ADGRA1: variants seen among roughly 807,000 people sequenced by gnomAD.
ADGRA1 encodes G-protein coupled receptor 123.
A neutral mutation model predicts 21.3 loss-of-function variants in ADGRA1; 12 were observed. The observed-to-expected ratio is 0.56, with a 90% confidence interval of 0.36 to 0.91. The LOEUF is 0.91. ADGRA1 is among the 40% of genes least tolerant of loss of function. ADGRA1 has a pLI of 0.01. For synonymous variants in ADGRA1, 385 were observed against 368.8 expected, an observed-to-expected ratio of 1.04 and a Z score of -0.50; for missense variants, 790 against 805.6, an observed-to-expected ratio of 0.98 and a Z score of 0.23.
chr10:133,121,240 G>C (rs1852247739), intron 5 of ADGRA1, among the ~76,000 whole-genome samples: 1 of 152,216 alleles, frequency 6.6e-6, no homozygotes, highest in African/African-American at 2.4e-5. Flanking sequence ...CACGCTGTTG[G>C]AAAAATGGCG....
chr10:133,124,326 A>C (rs1308203121), intron 5 of ADGRA1, among the ~76,000 whole-genome samples: 3 of 152,080 alleles, frequency 2.0e-5, no homozygotes, highest in African/African-American at 7.2e-5. Context: ...GCCGTGAGTC[A>C]GCTCCCGCTT....
intron 5 of ADGRA1, among the ~76,000 whole-genome samples, chr10:133,115,084 C>G (rs1382408832): frequency 6.6e-6 from 1 of 152,190 alleles, no homozygotes; most frequent in African/African-American, 2.4e-5. Flanking sequence ...GGCTAGGAGC[C>G]TGGGGGGCTT....
At chr10:133,121,562 G>T (rs1304199595) in intron 5 of ADGRA1, among the ~76,000 whole-genome samples, 1 of 147,844 alleles carries the variant, frequency 6.8e-6, no homozygotes, top group Non-Finnish European at 1.5e-5. Flanking sequence ...GAGTGTGCTT[G>T]TTTGTGTGCA....
At chr10:133,091,129 G>A (rs1244705543) in intron 2 of ADGRA1, among the ~76,000 whole-genome samples, 3 of 152,198 alleles carry the variant, frequency 2.0e-5, no homozygotes, top group Admixed American at 1.3e-4. Flanking sequence ...GTGTCACTTC[G>A]CACCCTGTAA....
At position 133,129,183 on chromosome 10, in the gene ADGRA1, G is replaced by C. The variant is rs554931104; in HGVS notation, c.1355G>C (p.Arg452Pro). ...SSLDGSPRSS[R>P]TDSPPSSLDG... ...CTGGATGGCAGCCCCCGCAGCTCGC[G>C]CACAGACAGCCCCCCCAGCTCTCTG... The change falls in exon 7 of 7, where the codon CGC becomes CCC. Residue 452 changes from arginine to proline, a missense_variant. Around this residue, in one of 3 missense-constraint regions of ADGRA1, gnomAD observed 391 missense variants for 351.5 expected, o/e 1.11. Coordinates refer to ENST00000392607, the MANE Select transcript of ADGRA1 (RefSeq NM_001083909.3). 1.3e-6 allele frequency: 2 copies of C among 1,550,608 alleles called. No homozygotes were observed. The highest frequency in any genetic ancestry group is 2.4e-5 in the South Asian group (2 of 84,100).
At chr10:133,093,594 C>T (rs1369384940) in intron 2 of ADGRA1, among the ~76,000 whole-genome samples, 7 of 152,326 alleles carry the variant, frequency 4.6e-5, no homozygotes, top group Admixed American at 6.5e-5. Flanking sequence ...GGCCATCCTG[C>T]GGGCACAGAA....
intron 3 of ADGRA1, among the ~76,000 whole-genome samples, chr10:133,098,063 C>T (rs1851719224): frequency 1.3e-5 from 2 of 152,276 alleles, no homozygotes; most frequent in Admixed American, 1.3e-4. Flanking sequence ...GAGGATGAGG[C>T]GAGGCCATGG....
At chr10:133,116,857 G>A (rs1414043533) in intron 5 of ADGRA1, among the ~76,000 whole-genome samples, 1 of 152,156 alleles carries the variant, frequency 6.6e-6, no homozygotes, top group African/African-American at 2.4e-5. Flanking sequence ...GACTCCTCCA[G>A]GAACCCAAGC....
intron 4 of ADGRA1, among the ~76,000 whole-genome samples, chr10:133,100,073 TCA>T (rs1851763002): frequency 6.6e-6 from 1 of 152,172 alleles, no homozygotes; most frequent in Admixed American, 6.5e-5. Context: ...GGGCAGGCGC[TCA>T]CACAAACACA....
At chr10:133,098,618 A>G (rs376046393) in intron 3 of ADGRA1, 22 bp from the exon 4 acceptor site, 15 of 1,598,296 alleles carry the variant, frequency 9.4e-6, no homozygotes, top group African/African-American at 1.3e-5. Flanking sequence ...CTCATGTGAA[A>G]CCCTCCTTTC....
chr10:133,098,574 G>A, intron 3 of ADGRA1, 66 bp from the exon 4 acceptor site: 4 of 1,549,374 alleles, frequency 2.6e-6, no homozygotes, highest in South Asian at 2.4e-5. Flanking sequence ...GCCCCAGGGG[G>A]CTCCCTTCCA....
intron 5 of ADGRA1, among the ~76,000 whole-genome samples, chr10:133,103,383 T>G (rs930104206): frequency 1.3e-5 from 2 of 152,192 alleles, no homozygotes; most frequent in African/African-American, 4.8e-5. Context: ...CATTTCAAGG[T>G]GGCCCTGGCC....
intron 5 of ADGRA1, among the ~76,000 whole-genome samples, chr10:133,122,501 C>T (rs571406982): frequency 1.3e-3 from 202 of 152,354 alleles, no homozygotes; most frequent in Admixed American, 2.9e-3. Context: ...CCCTCTACTG[C>T]GAAGCTCCAC....
At chr10:133,098,181 G>A (rs1205837327) in intron 3 of ADGRA1, among the ~76,000 whole-genome samples, 6 of 152,138 alleles carry the variant, frequency 3.9e-5, no homozygotes, top group African/African-American at 1.2e-4. Context: ...GCCACAGGAG[G>A]GCATGGCCGG....
At chr10:133,117,340 CTGAG>C (rs1361882631) in intron 5 of ADGRA1, among the ~76,000 whole-genome samples, 2 of 152,198 alleles carry the variant, frequency 1.3e-5, no homozygotes, top group Non-Finnish European at 2.9e-5. Flanking sequence ...AAAGCCTGGC[CTGAG>C]TGAGTGCCCG....
At chr10:133,104,061 C>T (rs1259556407) in intron 5 of ADGRA1, among the ~76,000 whole-genome samples, 2 of 152,230 alleles carry the variant, frequency 1.3e-5, no homozygotes, top group South Asian at 4.1e-4. Context: ...CCTGCTTCCT[C>T]GGAAGGGCTG....
rs553673451 is a variant in ADGRA1, at chr10:133,095,713, CAAG to C, written c.4-1257_4-1255del. On this transcript the variant is annotated intron_variant, in intron 2 of 6. Coordinates refer to ENST00000392607, the MANE Select transcript of ADGRA1 (RefSeq NM_001083909.3). ...CAGGGCCTCGTCTTGGCTGGACGGA[CAAG>C]AAGTGTGGCCTCAGGAGGGAAGCAG... The C allele has an allele frequency of 2.2e-5, 35 of 1,598,162 alleles. No individual in the cohort carries two copies. The East Asian group carries it at 7.4e-4, about 34-fold the overall frequency.
At chr10:133,090,826 C>T (rs1851586238) in intron 2 of ADGRA1, among the ~76,000 whole-genome samples, 1 of 152,204 alleles carries the variant, frequency 6.6e-6, no homozygotes, top group South Asian at 2.1e-4. Flanking sequence ...CCTGGCCAGG[C>T]ACAAAGGCAT....
intron 5 of ADGRA1, among the ~76,000 whole-genome samples, chr10:133,112,647 C>T (rs147244981): frequency 1.0e-4 from 6 of 59,020 alleles, no homozygotes; most frequent in African/African-American, 3.3e-4. Context: ...GGGCCGCGTC[C>T]GTTATTTGGG....
Sources: allele counts gnomAD v4.1 joint callset (sites outside exome capture counted in the v4.1 genomes callset), GRCh38; gene constraint gnomAD v4.1.1; regional missense constraint gnomAD v4.1.1; transcripts MANE v1.5; gene names NCBI Gene and HGNC (gene_info 2026-07-23, HGNC 2026-07-21).